Variants in PPP2R2B observed in about 807,000 individuals in gnomAD.
PPP2R2B encodes the protein protein phosphatase 2 regulatory subunit Bbeta.
Under a neutral mutation model 46.0 loss-of-function variants are expected in PPP2R2B, and 5 were observed. The observed-to-expected ratio is 0.11, with a 90% confidence interval of 0.06 to 0.23. The LOEUF (loss-of-function observed/expected upper bound fraction) is 0.23, where lower values mean the gene tolerates loss of function less well. PPP2R2B is among the 10% of genes least tolerant of loss of function. The probability of loss-of-function intolerance (pLI) is 1.00; values close to 1 mark genes in which losing one functional copy is unlikely to be tolerated. For synonymous variants in PPP2R2B, 215 were observed against 206.7 expected, an observed-to-expected ratio of 1.04 and a Z score of -0.34; for missense variants, 367 against 575.0, an observed-to-expected ratio of 0.64 and a Z score of 3.70.
intron 7 of PPP2R2B, among the ~76,000 whole-genome samples, chr5:146,616,539 T>C (rs1245695102): frequency 6.6e-6 from 1 of 152,008 alleles, no homozygotes; most frequent in African/African-American, 2.4e-5. Flanking sequence ...GAAAAAAATA[T>C]CTAATCCATT....
intron 2 of PPP2R2B, chr5:146,706,607 C>T (rs1779873206): frequency 3.7e-6 from 3 of 817,822 alleles, no homozygotes; most frequent in Non-Finnish European, 6.3e-6. Context: ...GCTCCCTGCG[C>T]TGCTCCGCAT....
chr5:146,626,018 C>T (rs112131786), intron 7 of PPP2R2B, among the ~76,000 whole-genome samples: 1 of 152,168 alleles, frequency 6.6e-6, no homozygotes, highest in Admixed American at 6.5e-5. Context: ...ACATTCCCCC[C>T]TAGAGCCTCT....
chr5:146,659,850 T>C (rs1034580228), intron 5 of PPP2R2B, among the ~76,000 whole-genome samples: 1 of 152,180 alleles, frequency 6.6e-6, no homozygotes. Flanking sequence ...CTTCCAATTG[T>C]AGAAAAATGG....
chr5:146,776,141 T>A (rs1398055385), intron 2 of PPP2R2B, among the ~76,000 whole-genome samples: 1 of 152,068 alleles, frequency 6.6e-6, no homozygotes, highest in Non-Finnish European at 1.5e-5. Context: ...ATGTGAAAAC[T>A]GATTCTAAAA....
chr5:147,030,800 CCT>C (rs745602637), intron 1 of PPP2R2B, among the ~76,000 whole-genome samples: 6 of 151,994 alleles, frequency 3.9e-5, no homozygotes, highest in East Asian at 1.9e-4. Flanking sequence ...ATTTTTGTCC[CCT>C]GTTTTAAACT....
At chr5:147,039,923 C>T (rs1316004521) in intron 1 of PPP2R2B, among the ~76,000 whole-genome samples, 1 of 152,120 alleles carries the variant, frequency 6.6e-6, no homozygotes, top group Non-Finnish European at 1.5e-5. Context: ...CACTAAATTT[C>T]CTCTGTAGAC....
chr5:146,787,808 T>A (rs1442466121), intron 2 of PPP2R2B, among the ~76,000 whole-genome samples: 1 of 152,192 alleles, frequency 6.6e-6, no homozygotes. Context: ...CCTCAGGTGA[T>A]CCACCCACCT....
At chr5:146,900,381 C>T (rs916312720) in intron 1 of PPP2R2B, among the ~76,000 whole-genome samples, 3 of 152,164 alleles carry the variant, frequency 2.0e-5, no homozygotes, top group African/African-American at 7.2e-5. Flanking sequence ...CCATCCACTC[C>T]TGGGACTTTG....
At chr5:146,595,125 T>G (rs113842851) in intron 8 of PPP2R2B, among the ~76,000 whole-genome samples, 278 of 152,312 alleles carry the variant, frequency 1.8e-3, no homozygotes, top group African/African-American at 6.4e-3. Flanking sequence ...TTCCAAACAG[T>G]TCCAGGCCTT....
intron 1 of PPP2R2B, among the ~76,000 whole-genome samples, chr5:146,920,419 G>A (rs1374573927): frequency 6.6e-6 from 1 of 152,174 alleles, no homozygotes; most frequent in African/African-American, 2.4e-5. Context: ...GGCCGTGCAG[G>A]CAGTTTAAAG....
intron 1 of PPP2R2B, among the ~76,000 whole-genome samples, chr5:146,951,122 T>C (rs1302562113): frequency 6.6e-6 from 1 of 151,964 alleles, no homozygotes; most frequent in Non-Finnish European, 1.5e-5. Flanking sequence ...GGAGATGAAC[T>C]CCAGATTTAA....
intron 1 of PPP2R2B, among the ~76,000 whole-genome samples, chr5:146,990,461 G>A (rs1753645408): frequency 6.6e-6 from 1 of 151,994 alleles, no homozygotes; most frequent in Admixed American, 6.6e-5. Flanking sequence ...TGGCAAGAAT[G>A]CACACTGAGA....
At chr5:147,056,980 T>C (rs979041130), upstream of PPP2R2B, among the ~76,000 whole-genome samples, 30 of 152,158 alleles carry the variant, frequency 2.0e-4, no homozygotes, top group African/African-American at 6.8e-4. Context: ...AACCAACATT[T>C]CCCTGAGAAA....
At chr5:147,004,377 C>A (rs1162086819) in intron 1 of PPP2R2B, among the ~76,000 whole-genome samples, 2 of 152,142 alleles carry the variant, frequency 1.3e-5, no homozygotes, top group Non-Finnish European at 2.9e-5. Flanking sequence ...ATGTCATCAC[C>A]CTTGCTGAGC....
intron 1 of PPP2R2B, among the ~76,000 whole-genome samples, chr5:146,897,589 G>A (rs1355485898): frequency 6.6e-6 from 1 of 152,086 alleles, no homozygotes; most frequent in Non-Finnish European, 1.5e-5. Context: ...ACTTGGCAAT[G>A]GAAGATCATC....
chr5:146,723,504 T>C (rs1374532568), intron 2 of PPP2R2B, among the ~76,000 whole-genome samples: 2 of 152,140 alleles, frequency 1.3e-5, no homozygotes, highest in Non-Finnish European at 2.9e-5. Flanking sequence ...AATGGTGACA[T>C]GGTTGTATAC....
chr5:146,861,720 CA>C (rs1761013569), intron 2 of PPP2R2B, among the ~76,000 whole-genome samples: 1 of 152,026 alleles, frequency 6.6e-6, no homozygotes, highest in South Asian at 2.1e-4. Flanking sequence ...CCTGAGTTAT[CA>C]ATATATTTTT....
chr5:146,659,252 A>C (rs1419771942), intron 5 of PPP2R2B, among the ~76,000 whole-genome samples: 1 of 152,260 alleles, frequency 6.6e-6, no homozygotes, highest in African/African-American at 2.4e-5. Context: ...CCAATGTTTA[A>C]AATACTTTGA....
intron 1 of PPP2R2B, among the ~76,000 whole-genome samples, chr5:146,920,766 G>A (rs1763575018): frequency 6.6e-6 from 1 of 152,146 alleles, no homozygotes; most frequent in South Asian, 2.1e-4. Context: ...TATGCTGTGT[G>A]TGTGTGTGTT....
Sources: allele counts gnomAD v4.1 joint callset (sites outside exome capture counted in the v4.1 genomes callset), GRCh38; gene constraint gnomAD v4.1.1; transcripts MANE v1.5; gene names NCBI Gene and HGNC (gene_info 2026-07-23, HGNC 2026-07-21).